Variants in SYNE1 observed in about 807,000 individuals in gnomAD.
SYNE1 encodes the protein spectrin repeat containing nuclear envelope protein 1.
In SYNE1, 616 loss-of-function variants were observed where a neutral mutation model predicts 1,111.0. The observed-to-expected ratio is 0.55, with a 90% CI of 0.52 to 0.59. SYNE1 has a LOEUF of 0.59. SYNE1 is among the 20% of genes least tolerant of loss of function. SYNE1 has a pLI of 0.00. For missense variants in SYNE1, 10,006 were observed against 10,417.0 expected (o/e 0.96, Z 1.72); for synonymous variants, 3,855 against 3,825.8 (o/e 1.01, Z -0.28).
At chr6:152,204,818 A>G (rs1246906400) in intron 126 of SYNE1, among the ~76,000 whole-genome samples, 1 of 152,188 alleles carries the variant, frequency 6.6e-6, no homozygotes, top group Non-Finnish European at 1.5e-5. Context: ...ACAGACAGAC[A>G]AGAAAAGCAA....
chr6:152,273,915 G>A (rs1401559367), intron 98 of SYNE1, among the ~76,000 whole-genome samples: 2 of 152,138 alleles, frequency 1.3e-5, no homozygotes, highest in East Asian at 1.9e-4. Flanking sequence ...TGAGGATCAG[G>A]CCGCCCCTTC....
chr6:152,598,608 T>A (rs2099588514), intron 3 of SYNE1, among the ~76,000 whole-genome samples: 1 of 152,338 alleles, frequency 6.6e-6, no homozygotes, highest in East Asian at 1.9e-4. Flanking sequence ...ATCATGGGAA[T>A]GTGGTGTCCT....
chr6:152,634,436 T>A (rs1388414484), intron 2 of SYNE1, among the ~76,000 whole-genome samples: 1 of 152,172 alleles, frequency 6.6e-6, no homozygotes, highest in East Asian at 1.9e-4. Context: ...CTGAAGAGAG[T>A]TCACATACTG....
At chr6:152,368,389 AAG>A (rs2097120924) in intron 61 of SYNE1, 1 of 153,656 alleles carries the variant, frequency 6.5e-6, no homozygotes. Flanking sequence ...GCTATTTGAA[AAG>A]AGGTTTAATC....
chr6:152,472,075 C>A (rs1158780554), intron 15 of SYNE1: 3 of 602,626 alleles, frequency 5.0e-6, no homozygotes, highest in Middle Eastern at 4.4e-4. Flanking sequence ...TCTGAAGAAA[C>A]CATTTCTGTG....
chr6:152,277,218 C>T (rs1328564662), intron 98 of SYNE1, among the ~76,000 whole-genome samples: 1 of 149,598 alleles, frequency 6.7e-6, no homozygotes, highest in Non-Finnish European at 1.5e-5. Context: ...TCCGTTTCCT[C>T]CCCAACAAGA....
At chr6:152,461,792 A>C in intron 20 of SYNE1, 52 bp from the exon 21 acceptor site, 1 of 1,612,468 alleles carries the variant, frequency 6.2e-7, no homozygotes, top group Admixed American at 1.7e-5. Context: ...TTTCCTCTTA[A>C]CTTCCGGATT....
intron 11 of SYNE1, among the ~76,000 whole-genome samples, chr6:152,497,337 T>A (rs2099005121): frequency 1.3e-5 from 2 of 152,336 alleles, no homozygotes; most frequent in South Asian, 4.1e-4. Flanking sequence ...CAGGATGTCT[T>A]TTCTGAATGA....
intron 3 of SYNE1, chr6:152,546,393 T>C (rs1337573619): frequency 1.3e-5 from 2 of 152,124 alleles, no homozygotes; most frequent in Admixed American, 6.6e-5. Context: ...TCTTAGGAGG[T>C]GGTCTCATTT....
intron 13 of SYNE1, among the ~76,000 whole-genome samples, chr6:152,483,831 A>G (rs1225697404): frequency 2.0e-5 from 3 of 151,988 alleles, no homozygotes; most frequent in Admixed American, 6.6e-5. Flanking sequence ...CTTACTGGAA[A>G]GCCAGGTGGG....
At chr6:152,168,069 C>T (rs1563176375) in intron 130 of SYNE1, 1 of 780,766 alleles carries the variant, frequency 1.3e-6, no homozygotes, top group Non-Finnish European at 2.4e-6. Flanking sequence ...CCCCACGTAA[C>T]ATGAAAGCTA....
At chr6:152,498,876 G>T in intron 10 of SYNE1, 84 bp from the exon 11 acceptor site, 2 of 737,756 alleles carry the variant, frequency 2.7e-6, no homozygotes, top group East Asian at 3.1e-5. Flanking sequence ...AAAATCAATG[G>T]AAAGGCATCC....
intron 66 of SYNE1, among the ~76,000 whole-genome samples, chr6:152,356,972 G>A (rs1042610124): frequency 2.0e-5 from 3 of 152,154 alleles, no homozygotes; most frequent in Non-Finnish European, 4.4e-5. Flanking sequence ...TGTTGGTAGT[G>A]TAGAACTAAG....
chr6:152,490,653 C>T (rs1340156462), intron 11 of SYNE1, among the ~76,000 whole-genome samples: 4 of 152,152 alleles, frequency 2.6e-5, no homozygotes, highest in South Asian at 4.1e-4. Flanking sequence ...CTACCTTTTT[C>T]GGACTCAGTC....
At position 152,350,588 on chromosome 6, in the gene SYNE1, C is replaced by T. The variant is rs201978632; in HGVS notation, c.11733+30G>A. On this transcript the variant is annotated intron_variant, in intron 71 of 145. Transcript: ENST00000367255. ...AGGGCCCACATTTTGGAAAATAAAC[C>T]CTTTTACGGAGTCTTTCATCTCTCC... 8 of 1,614,012 alleles carry T rather than the reference C, an allele frequency of 5.0e-6. No homozygotes were observed. In the South Asian group the frequency reaches 7.7e-5, roughly 16 times the overall value.
Position 152,154,950 on chromosome 6 carries a change from A to G in SYNE1, c.24071T>C (p.Phe8024Ser). 1 of 1,614,190 alleles carries G rather than the reference A, an allele frequency of 6.2e-7. No homozygotes were observed. The highest frequency in any genetic ancestry group is 8.5e-7 in the Non-Finnish European group (1 of 1,180,030). The change falls in exon 133 of 146, where the codon TTT (phenylalanine) becomes TCT (serine). Residue 8024 changes from phenylalanine (F) to serine (S), a missense_variant. Phe to Ser is a radical substitution (Grantham distance 155, BLOSUM62 -2). Around this residue, in one of 7 missense-constraint regions of SYNE1, gnomAD observed 2,182 missense variants for 2,287.8 expected, o/e 0.95. Coordinates refer to ENST00000367255, the MANE Select transcript of SYNE1 (RefSeq NM_182961.4). ...ATAGATCACCCCAGAAGAGCTGGGAAAAGCAGCTGTCCTTTCTGAAGACTT... is the reference window on the plus strand; with the variant it reads ...ATAGATCACCCCAGAAGAGCTGGGAGAAGCAGCTGTCCTTTCTGAAGACTT... Reference protein sequence around the residue: ...WLKSSERTAAFPSSSGVIYTV... With the variant: ...WLKSSERTAASPSSSGVIYTV...
intron 14 of SYNE1, among the ~76,000 whole-genome samples, chr6:152,480,443 C>A (rs1564347324): frequency 6.6e-6 from 1 of 152,140 alleles, no homozygotes; most frequent in Admixed American, 6.5e-5. Flanking sequence ...ATCGCTTGAA[C>A]CTGGGAAGAA....
At chr6:152,588,271 G>A (rs2099546904) in intron 3 of SYNE1, among the ~76,000 whole-genome samples, 2 of 152,188 alleles carry the variant, frequency 1.3e-5, no homozygotes, top group African/African-American at 4.8e-5. Flanking sequence ...TAACTTTCTT[G>A]TTGAGGGTCT....
intron 6 of SYNE1, among the ~76,000 whole-genome samples, chr6:152,513,607 T>C (rs2099096862): frequency 6.6e-6 from 1 of 152,174 alleles, no homozygotes; most frequent in Admixed American, 6.5e-5. Context: ...GTGCTGGTAT[T>C]ACAGGAGTGA....
Sources: gnomAD v4.1 joint callset for allele counts (sites outside exome capture counted in the v4.1 genomes callset) on GRCh38, gnomAD v4.1.1 for gene constraint, gnomAD v4.1.1 regional missense constraint, MANE v1.5 for transcripts, NCBI Gene and HGNC (gene_info 2026-07-23, HGNC 2026-07-21) for gene names.